EXOC6B: variants seen among roughly 807,000 people sequenced by gnomAD.
EXOC6B encodes the protein exocyst complex component 6B.
Under a neutral mutation model 113.5 loss-of-function variants are expected in EXOC6B, and 54 were observed. The observed-to-expected ratio is 0.48, with a 90% CI of 0.38 to 0.60. EXOC6B has a LOEUF of 0.60. Among genes scored for constraint, EXOC6B ranks in the 20% least tolerant of loss-of-function variants. The probability of loss-of-function intolerance (pLI) is 0.00; values close to 1 mark genes in which losing one functional copy is unlikely to be tolerated. For synonymous variants in EXOC6B, 357 were observed against 339.0 expected, an observed-to-expected ratio of 1.05 and a Z score of -0.58; for missense variants, 797 against 977.5, an observed-to-expected ratio of 0.82 and a Z score of 2.46.
intron 1 of EXOC6B, among the ~76,000 whole-genome samples, chr2:72,769,970 A>G (rs888563515): frequency 1.3e-5 from 2 of 152,194 alleles, no homozygotes; most frequent in African/African-American, 4.8e-5. Context: ...CAAGGAAACA[A>G]AACATGAGCC....
intron 14 of EXOC6B, among the ~76,000 whole-genome samples, chr2:72,495,797 A>C (rs1257163980): frequency 1.3e-5 from 2 of 152,242 alleles, no homozygotes; most frequent in Non-Finnish European, 2.9e-5. Context: ...AAAATGAATG[A>C]ACAATGATAC....
chr2:72,610,180 C>T lies in EXOC6B; in HGVS notation c.670-34512G>A, dbSNP rs572520391. Among the ~76,000 whole-genome samples the T allele has an allele frequency of 2.0e-4, 31 of 152,092 alleles. 1 individual carries two copies. In the South Asian group the frequency reaches 6.2e-3, roughly 31 times the overall value. On this transcript the variant is annotated intron_variant, in intron 6 of 21. Transcript: ENST00000272427. The stretch of plus-strand genomic sequence containing the variant: ...TAAGCAAATCAATCTCAGAACAAAG[C>T]ATATTATCAGAAATATAAACAGTCA...
chr2:72,431,152 G>A (rs188179134), intron 18 of EXOC6B, among the ~76,000 whole-genome samples: 1 of 152,108 alleles, frequency 6.6e-6, no homozygotes, highest in South Asian at 2.1e-4. Flanking sequence ...TCATTTTTAA[G>A]TATTATAATT....
intron 18 of EXOC6B, among the ~76,000 whole-genome samples, chr2:72,406,781 A>G (rs979860250): frequency 6.6e-6 from 1 of 152,238 alleles, no homozygotes; most frequent in African/African-American, 2.4e-5. Flanking sequence ...CCCTAACATC[A>G]CAATTAAAAG....
chr2:72,189,630 A>C (rs936899684), intron 20 of EXOC6B, among the ~76,000 whole-genome samples: 5 of 152,056 alleles, frequency 3.3e-5, no homozygotes, highest in African/African-American at 1.2e-4. Flanking sequence ...CACATTTATG[A>C]GTTGTCACTC....
Position 72,498,477 on chromosome 2 carries a change from T to A in EXOC6B, c.1314A>T (p.Leu438=). ...ACCTGAAAATACCTGCCCACTTCTT[T>A]AGCAGAGTTTCACTATATTGGTCTC... ...EIRDQYSETL[L]KKWAGIFRNI... is the part of the protein sequence containing the mutation. The change falls in exon 13 of 22, where the codon CTA becomes CTT. Residue 438 remains leucine, a synonymous_variant. Transcript: ENST00000272427. The A allele has an allele frequency of 5.0e-6, 8 of 1,611,458 alleles. No individual in the cohort carries two copies. Among genetic ancestry groups the A allele is most frequent in the Non-Finnish European group, 6.8e-6 (8 of 1,178,848 alleles).
intron 1 of EXOC6B, among the ~76,000 whole-genome samples, chr2:72,778,245 A>G (rs1444813957): frequency 6.6e-6 from 1 of 152,164 alleles, no homozygotes; most frequent in East Asian, 1.9e-4. Flanking sequence ...TGTATAAAAC[A>G]CTCACTTTAG....
intron 20 of EXOC6B, among the ~76,000 whole-genome samples, chr2:72,227,187 G>A (rs947290315): frequency 6.6e-6 from 1 of 152,136 alleles, no homozygotes; most frequent in African/African-American, 2.4e-5. Context: ...TTCTCAGATT[G>A]TATTAATAAG....
chr2:72,328,135 C>CT (rs1688235499), intron 20 of EXOC6B, among the ~76,000 whole-genome samples: 1 of 152,164 alleles, frequency 6.6e-6, no homozygotes, highest in East Asian at 1.9e-4. Flanking sequence ...TCAGAGCTTC[C>CT]TTTGATGCTG....
intron 1 of EXOC6B, among the ~76,000 whole-genome samples, chr2:72,809,917 C>T (rs997001759): frequency 9.2e-5 from 14 of 152,050 alleles, no homozygotes; most frequent in African/African-American, 2.7e-4. Context: ...ATTTATAAAA[C>T]ACAACACCCA....
At position 72,551,662 on chromosome 2, in the gene EXOC6B, G is replaced by A. The variant is rs1239060625; in HGVS notation, c.915+7791C>T. 2.7e-5 allele frequency among the ~76,000 whole-genome samples: 4 copies of A among 150,616 alleles called. No homozygotes were observed. In the East Asian group the frequency reaches 5.9e-4, roughly 22 times the overall value. On this transcript the variant is annotated intron_variant, in intron 8 of 21. Coordinates refer to ENST00000272427, the MANE Select transcript of EXOC6B (RefSeq NM_015189.3). Reference sequence around the variant, plus strand: ...TGGGACTACAGGCGCCCGCCACCACGCCCGGCTAATTTTTTTTTTGTATTT... The same window carrying A: ...TGGGACTACAGGCGCCCGCCACCACACCCGGCTAATTTTTTTTTTGTATTT...
intron 20 of EXOC6B, among the ~76,000 whole-genome samples, chr2:72,281,261 G>T (rs980296823): frequency 5.9e-5 from 9 of 152,120 alleles, no homozygotes; most frequent in African/African-American, 2.2e-4. Flanking sequence ...AAAATAGAAT[G>T]AATCTCTCTA....
At chr2:72,394,562 T>C (rs1460979566) in intron 18 of EXOC6B, among the ~76,000 whole-genome samples, 3 of 152,168 alleles carry the variant, frequency 2.0e-5, no homozygotes, top group Admixed American at 1.3e-4. Context: ...CTCCATAGAA[T>C]GAGAATTACT....
intron 17 of EXOC6B, among the ~76,000 whole-genome samples, chr2:72,467,016 T>C (rs541068828): frequency 2.3e-4 from 35 of 152,308 alleles, no homozygotes; most frequent in African/African-American, 7.9e-4. Context: ...CCAGCTCTGG[T>C]AACTATCATT....
intron 6 of EXOC6B, among the ~76,000 whole-genome samples, chr2:72,619,064 T>C (rs1230712562): frequency 2.0e-5 from 3 of 152,160 alleles, no homozygotes; most frequent in South Asian, 2.1e-4. Flanking sequence ...AGAAAAGCTG[T>C]TGAACAACAG....
At chr2:72,665,363 T>A (rs1024623544) in intron 6 of EXOC6B, among the ~76,000 whole-genome samples, 1 of 152,128 alleles carries the variant, frequency 6.6e-6, no homozygotes, top group African/African-American at 2.4e-5. Flanking sequence ...CCCTGAGTAA[T>A]GCTATACAAG....
intron 19 of EXOC6B, among the ~76,000 whole-genome samples, chr2:72,355,095 C>G (rs971324918): frequency 6.6e-6 from 1 of 152,130 alleles, no homozygotes; most frequent in Admixed American, 6.5e-5. Flanking sequence ...CCTACACATT[C>G]CCACTGCACT....
At chr2:72,718,339 T>A (rs1679773229) in intron 5 of EXOC6B, 32 bp from the exon 6 acceptor site, 1 of 1,590,962 alleles carries the variant, frequency 6.3e-7, no homozygotes, top group African/African-American at 1.3e-5. Context: ...TTTAGCTCAC[T>A]CAGTTTTCTT....
rs1041487619 is a variant in EXOC6B at position 72,720,130 on chromosome 2, T to C, written c.465-1823A>G. Among the ~76,000 whole-genome samples the C allele has an allele frequency of 2.0e-5, 3 of 151,430 alleles. No individual in the cohort carries two copies. In the South Asian group the frequency reaches 6.3e-4, roughly 32 times the overall value. ...ATATTATAATCCATAGAACAACCTC[T>C]AAAAAACCAAAAATATATATCATTT... On this transcript the variant is annotated intron_variant, in intron 5 of 21. Coordinates refer to ENST00000272427, the MANE Select transcript of EXOC6B (RefSeq NM_015189.3).
Sources: allele counts gnomAD v4.1 joint callset (sites outside exome capture counted in the v4.1 genomes callset), GRCh38; gene constraint gnomAD v4.1.1; transcripts MANE v1.5; gene names NCBI Gene and HGNC (gene_info 2026-07-23, HGNC 2026-07-21).